Variants in ATG5 observed in about 807,000 individuals in gnomAD.
The protein encoded by ATG5 is autophagy protein 5.
Under a neutral mutation model 36.5 loss-of-function variants are expected in ATG5, and 14 were observed. The observed-to-expected ratio is 0.38, with a 90% CI of 0.25 to 0.60. The LOEUF is 0.60. Ranked by LOEUF, ATG5 falls within the 20% of genes least tolerant of loss-of-function variation. The pLI, the probability that ATG5 is intolerant of heterozygous loss-of-function variation, is 0.60. For synonymous variants in ATG5, 95 were observed against 101.5 expected (o/e 0.94, Z 0.38); for missense variants, 195 against 326.7 (o/e 0.60, Z 3.11).
intron 7 of ATG5, among the ~76,000 whole-genome samples, chr6:106,199,369 A>T (rs191035111): frequency 6.6e-6 from 1 of 152,208 alleles, no homozygotes; most frequent in Non-Finnish European, 1.5e-5. Context: ...TATCTACCCA[A>T]TGGAGTATTA....
intron 6 of ATG5, among the ~76,000 whole-genome samples, chr6:106,244,316 A>C (rs958385298): frequency 2.6e-5 from 4 of 152,180 alleles, no homozygotes; most frequent in Non-Finnish European, 4.4e-5. Context: ...ATATGAATGG[A>C]TATTCAAATA....
chr6:106,303,785 AC>A (rs888848145), intron 3 of ATG5, among the ~76,000 whole-genome samples: 10 of 152,230 alleles, frequency 6.6e-5, no homozygotes, highest in African/African-American at 2.2e-4. Context: ...TATTATAGCA[AC>A]CAGCTAAGGA....
At chr6:106,251,583 T>C (rs1778577083) in intron 5 of ATG5, among the ~76,000 whole-genome samples, 1 of 63,272 alleles carries the variant, frequency 1.6e-5, no homozygotes, top group African/African-American at 6.4e-5. Context: ...AAACGCTATA[T>C]TCTTATATTA....
At chr6:106,310,005 G>T (rs1770590860) in intron 2 of ATG5, among the ~76,000 whole-genome samples, 1 of 152,036 alleles carries the variant, frequency 6.6e-6, no homozygotes. Flanking sequence ...ACATGCCTTG[G>T]CTTCACTCAA....
At chr6:106,209,733 T>A (rs1776786657) in intron 6 of ATG5, among the ~76,000 whole-genome samples, 1 of 152,244 alleles carries the variant, frequency 6.6e-6, no homozygotes, top group African/African-American at 2.4e-5. Flanking sequence ...CTGGTTGTGA[T>A]ACTGTACTGT....
intron 5 of ATG5, among the ~76,000 whole-genome samples, chr6:106,267,639 G>A (rs919118282): frequency 1.3e-5 from 2 of 152,126 alleles, no homozygotes; most frequent in African/African-American, 4.8e-5. Context: ...TACCAAAACA[G>A]ATATATAGAC....
At chr6:106,323,010 C>G (rs1036066713) in intron 1 of ATG5, among the ~76,000 whole-genome samples, 1 of 151,928 alleles carries the variant, frequency 6.6e-6, no homozygotes, top group African/African-American at 2.4e-5. Flanking sequence ...AGCTCTGCCT[C>G]CCGGGTTCAT....
intron 6 of ATG5, among the ~76,000 whole-genome samples, chr6:106,230,628 T>C (rs1766193): frequency 8.4e-4 from 127 of 151,970 alleles, no homozygotes; most frequent in African/African-American, 2.9e-3. Flanking sequence ...AAATGACTAG[T>C]GGTGCTGGCA....
At chr6:106,246,431 C>CACACACA (rs1420071037) in intron 6 of ATG5, among the ~76,000 whole-genome samples, 1 of 146,060 alleles carries the variant, frequency 6.8e-6, no homozygotes, top group African/African-American at 2.5e-5. Flanking sequence ...CACACACACA[C>CACACACA]CCTTTCTCTC....
chr6:106,274,989 C>A (rs1241793030), intron 5 of ATG5, among the ~76,000 whole-genome samples: 2 of 152,156 alleles, frequency 1.3e-5, no homozygotes, highest in Non-Finnish European at 2.9e-5. Flanking sequence ...TTCTATAAAG[C>A]TCTGTGAAGA....
At chr6:106,224,539 T>A (rs775579466) in intron 6 of ATG5, among the ~76,000 whole-genome samples, 1 of 152,162 alleles carries the variant, frequency 6.6e-6, no homozygotes, top group Non-Finnish European at 1.5e-5. Flanking sequence ...TGGAAGTAGA[T>A]TGGTGGGACC....
At chr6:106,283,850 T>G (rs1330917041) in intron 4 of ATG5, 1 of 152,270 alleles carries the variant, frequency 6.6e-6, no homozygotes, top group African/African-American at 2.4e-5. Context: ...TCGGTTTTGG[T>G]GACTTGTGTT....
intron 6 of ATG5, among the ~76,000 whole-genome samples, chr6:106,218,012 A>C (rs1301016911): frequency 2.6e-5 from 4 of 152,238 alleles, no homozygotes; most frequent in Non-Finnish European, 5.9e-5. Context: ...CAGGGTTCTA[A>C]GAAAATAGTA....
intron 1 of ATG5, among the ~76,000 whole-genome samples, chr6:106,318,138 A>G (rs1269392172): frequency 6.6e-6 from 1 of 152,182 alleles, no homozygotes; most frequent in Non-Finnish European, 1.5e-5. Context: ...TAGAAAATAT[A>G]ATCCAAGACA....
intron 1 of ATG5, 120 bp downstream of exon 1, chr6:106,325,406 G>A (rs1257343969): frequency 6.6e-6 from 1 of 152,422 alleles, no homozygotes; most frequent in South Asian, 2.1e-4. Context: ...CCGCCATCGC[G>A]GCCGGGCGGG....
At chr6:106,206,822 C>G (rs1335110840) in intron 6 of ATG5, among the ~76,000 whole-genome samples, 1 of 152,194 alleles carries the variant, frequency 6.6e-6, no homozygotes, top group African/African-American at 2.4e-5. Flanking sequence ...AACTTTTCAA[C>G]AGCTCTCATT....
At chr6:106,272,056 G>A (rs1202065852) in intron 5 of ATG5, among the ~76,000 whole-genome samples, 1 of 152,062 alleles carries the variant, frequency 6.6e-6, no homozygotes, top group Non-Finnish European at 1.5e-5. Flanking sequence ...AAATAACAAC[G>A]CCCTTTCCCA....
At chr6:106,241,501 C>T (rs1037266389) in intron 6 of ATG5, among the ~76,000 whole-genome samples, 1 of 152,054 alleles carries the variant, frequency 6.6e-6, no homozygotes, top group South Asian at 2.1e-4. Context: ...GGTAAATACC[C>T]CAAATAACTG....
intron 4 of ATG5, among the ~76,000 whole-genome samples, chr6:106,287,571 G>A (rs942749924): frequency 8.6e-5 from 13 of 151,950 alleles, no homozygotes; most frequent in African/African-American, 2.9e-4. Context: ...AAACCAAAAC[G>A]CACCAAATCA....
Sources: gnomAD v4.1 joint callset for allele counts (sites outside exome capture counted in the v4.1 genomes callset) on GRCh38, gnomAD v4.1.1 for gene constraint, MANE v1.5 for transcripts, NCBI Gene and HGNC (gene_info 2026-07-23, HGNC 2026-07-21) for gene names.